CAMK1D: variants seen among roughly 807,000 people sequenced by gnomAD.
The protein encoded by CAMK1D is calcium/calmodulin dependent protein kinase ID, also known as calcium/calmodulin-dependent protein kinase type 1D.
CAMK1D carries 9 observed loss-of-function variants against 47.7 expected under a neutral mutation model. That is an observed-to-expected ratio of 0.19 (90% confidence interval 0.11 to 0.33). The LOEUF is 0.33. Ranked by LOEUF, CAMK1D falls within the 10% of genes least tolerant of loss-of-function variation. CAMK1D has a pLI of 1.00. For synonymous variants in CAMK1D, 184 were observed against 184.9 expected (o/e 0.99, Z 0.04); for missense variants, 291 against 488.7 (o/e 0.60, Z 3.81).
chr10:12,638,984 G>A (rs139042084), intron 2 of CAMK1D, among the ~76,000 whole-genome samples: 2 of 152,150 alleles, frequency 1.3e-5, no homozygotes, highest in African/African-American at 2.4e-5. Flanking sequence ...TTGGAATGTC[G>A]TCTTCGTGAG....
intron 3 of CAMK1D, among the ~76,000 whole-genome samples, chr10:12,710,167 C>T (rs887494907): frequency 1.3e-5 from 2 of 152,156 alleles, no homozygotes; most frequent in African/African-American, 4.8e-5. Flanking sequence ...TAAGTGTTAC[C>T]GTTTGTAACT....
intron 2 of CAMK1D, among the ~76,000 whole-genome samples, chr10:12,559,723 G>C (rs1425460815): frequency 6.6e-6 from 1 of 152,202 alleles, no homozygotes; most frequent in African/African-American, 2.4e-5. Context: ...GGGCTCAGGA[G>C]TGAGAACCTC....
At chr10:12,756,497 A>G (rs117374812) in intron 3 of CAMK1D, among the ~76,000 whole-genome samples, 2 of 152,248 alleles carry the variant, frequency 1.3e-5, no homozygotes, top group Non-Finnish European at 2.9e-5. Flanking sequence ...TTTGAAAGAA[A>G]TGGGATCATG....
chr10:12,587,067 A>C (rs1222960280), intron 2 of CAMK1D, among the ~76,000 whole-genome samples: 2 of 152,090 alleles, frequency 1.3e-5, no homozygotes, highest in Non-Finnish European at 2.9e-5. Flanking sequence ...AGCGGTTTTG[A>C]CTTAATTCAC....
chr10:12,461,344 G>A (rs965759353), intron 1 of CAMK1D, among the ~76,000 whole-genome samples: 1 of 152,218 alleles, frequency 6.6e-6, no homozygotes, highest in Non-Finnish European at 1.5e-5. Flanking sequence ...CAGTTGGGTA[G>A]GAGTCGTCTG....
chr10:12,705,299 A>G (rs547520260), intron 3 of CAMK1D, among the ~76,000 whole-genome samples: 220 of 152,140 alleles, frequency 1.4e-3, no homozygotes, highest in Non-Finnish European at 2.8e-3. Flanking sequence ...CGTCTCTACT[A>G]AAAATACAAA....
chr10:12,426,658 C>T (rs1311204492), intron 1 of CAMK1D, among the ~76,000 whole-genome samples: 2 of 152,216 alleles, frequency 1.3e-5, no homozygotes. Flanking sequence ...AAGTGTTCCT[C>T]CCACCTCAGC....
At chr10:12,533,691 T>C (rs1267455476) in intron 1 of CAMK1D, among the ~76,000 whole-genome samples, 1 of 152,132 alleles carries the variant, frequency 6.6e-6, no homozygotes, top group Non-Finnish European at 1.5e-5. Flanking sequence ...AGAGGGAAAA[T>C]TGGCTGATAG....
intron 1 of CAMK1D, among the ~76,000 whole-genome samples, chr10:12,526,289 A>G (rs1370746910): frequency 6.6e-6 from 1 of 152,224 alleles, no homozygotes; most frequent in Admixed American, 6.5e-5. Context: ...CACACTTTTC[A>G]GGAGTTAGTA....
chr10:12,531,382 T>C (rs1325865853), intron 1 of CAMK1D, among the ~76,000 whole-genome samples: 1 of 152,212 alleles, frequency 6.6e-6, no homozygotes, highest in Admixed American at 6.5e-5. Flanking sequence ...GATGAGATAA[T>C]GGTTGCCAGG....
intron 1 of CAMK1D, among the ~76,000 whole-genome samples, chr10:12,401,147 ATTTT>A (rs1839182543): frequency 1.5e-5 from 1 of 65,170 alleles, no homozygotes; most frequent in Non-Finnish European, 2.6e-5. Context: ...TTATATATAT[ATTTT>A]ATATATATAT....
intron 1 of CAMK1D, among the ~76,000 whole-genome samples, chr10:12,547,831 A>G (rs1022948387): frequency 1.3e-5 from 2 of 152,344 alleles, no homozygotes; most frequent in Non-Finnish European, 2.9e-5. Flanking sequence ...TGTGGGAACA[A>G]TAACAATTTA....
chr10:12,428,433 A>G (rs1251471859), intron 1 of CAMK1D, among the ~76,000 whole-genome samples: 6 of 152,044 alleles, frequency 3.9e-5, no homozygotes, highest in Admixed American at 6.5e-5. Flanking sequence ...CACGTTCGAC[A>G]TTCTATCTCA....
chr10:12,437,136 A>T (rs982316423), intron 1 of CAMK1D, among the ~76,000 whole-genome samples: 2 of 150,802 alleles, frequency 1.3e-5, no homozygotes, highest in African/African-American at 4.9e-5. Context: ...AAACAGACCG[A>T]CTATCTATCT....
At chr10:12,445,433 G>C (rs1285528124) in intron 1 of CAMK1D, among the ~76,000 whole-genome samples, 1 of 152,170 alleles carries the variant, frequency 6.6e-6, no homozygotes, top group East Asian at 1.9e-4. Flanking sequence ...ATTTTGTTTT[G>C]GCTTCCTTTC....
chr10:12,684,569 G>A (rs1323505929), intron 3 of CAMK1D, among the ~76,000 whole-genome samples: 7 of 152,102 alleles, frequency 4.6e-5, no homozygotes, highest in Non-Finnish European at 8.8e-5. Flanking sequence ...CATCCAAATC[G>A]TGGGACTGTT....
rs35773480 is a variant in CAMK1D, at chr10:12,652,425, C to CAAA, written c.225-14297_225-14295dup. Among the ~76,000 whole-genome samples, 152 of 123,878 alleles carry CAAA rather than the reference C, an allele frequency of 1.2e-3. 2 individuals carry two copies. The highest frequency in any genetic ancestry group is 8.6e-3 in the Middle Eastern group (2 of 232). 81.3% of individuals were successfully genotyped at this position (123,878 alleles called of 152,430 possible). A position where few individuals can be genotyped will look rare whatever the true frequency, so the allele number is the denominator to read the frequency against. On this transcript the variant is annotated intron_variant, in intron 2 of 10. Transcript: ENST00000619168. ...TGAAACCCCGTCACTACTAAAAATA[C>CAAA]AAAAAAAAAAAAAAAAGCCGGGCGT...
rs189517989 is a variant in CAMK1D at position 12,419,127 on chromosome 10, C to T, written c.92+69217C>T. On this transcript the variant is annotated intron_variant, in intron 1 of 10. Transcript: ENST00000619168. Reference sequence around the variant, plus strand: ...CATCATCTCAAATGAATGGCATTCCCTCCTGCCTTTTAAAACCCCAGGGAC... The same window carrying T: ...CATCATCTCAAATGAATGGCATTCCTTCCTGCCTTTTAAAACCCCAGGGAC... Among the ~76,000 whole-genome samples, 473 of 152,258 alleles carry T rather than the reference C, an allele frequency of 3.1e-3. 1 individual carries two copies. The highest frequency in any genetic ancestry group is 5.3e-3 in the Non-Finnish European group (361 of 68,024).
intron 1 of CAMK1D, among the ~76,000 whole-genome samples, chr10:12,540,921 G>C (rs1453406820): frequency 1.0e-5 from 1 of 96,610 alleles, no homozygotes; most frequent in African/African-American, 3.1e-5. Flanking sequence ...CTGAGTTATA[G>C]GTTTTTTTTT....
Sources: gnomAD v4.1 joint callset for allele counts (sites outside exome capture counted in the v4.1 genomes callset) on GRCh38, gnomAD v4.1.1 for gene constraint, MANE v1.5 for transcripts, NCBI Gene and HGNC (gene_info 2026-07-23, HGNC 2026-07-21) for gene names.